Variants in DPYD observed in about 807,000 individuals in gnomAD.
DPYD encodes dihydropyrimidine dehydrogenase, also known as dihydropyrimidine dehydrogenase [NADP(+)].
DPYD carries 109 observed loss-of-function variants against 116.2 expected under a neutral mutation model. That is an observed-to-expected ratio of 0.94 (90% confidence interval 0.80 to 1.10). DPYD has a LOEUF of 1.10. DPYD is among the 50% of genes least tolerant of loss of function. The pLI, the probability that DPYD is intolerant of heterozygous loss-of-function variation, is 0.00. For missense variants in DPYD, 1,302 were observed against 1,254.5 expected (o/e 1.04, Z -0.57); for synonymous variants, 440 against 432.0 (o/e 1.02, Z -0.23).
At chr1:97,727,031 T>C (rs1232684975) in intron 4 of DPYD, among the ~76,000 whole-genome samples, 1 of 151,700 alleles carries the variant, frequency 6.6e-6, no homozygotes, top group African/African-American at 2.4e-5. Flanking sequence ...GGTTAAAAAT[T>C]GTTTTAAGTT....
chr1:97,838,227 T>C (rs1669862569), intron 2 of DPYD, among the ~76,000 whole-genome samples: 1 of 152,134 alleles, frequency 6.6e-6, no homozygotes, highest in Non-Finnish European at 1.5e-5. Flanking sequence ...CTATCAAGCA[T>C]TTCAGAATTC....
chr1:97,660,457 A>G (rs1430161806), intron 8 of DPYD, among the ~76,000 whole-genome samples: 3 of 152,036 alleles, frequency 2.0e-5, no homozygotes, highest in African/African-American at 7.2e-5. Context: ...GCTTCCTTCC[A>G]CCCCATAAAT....
intron 8 of DPYD, among the ~76,000 whole-genome samples, chr1:97,631,767 G>A (rs572793887): frequency 6.6e-5 from 10 of 152,018 alleles, no homozygotes; most frequent in South Asian, 6.2e-4. Context: ...TTAAAGTTAC[G>A]GGAGTGGGTA....
At chr1:97,094,679 G>A (rs1650117582) in intron 21 of DPYD, among the ~76,000 whole-genome samples, 1 of 152,070 alleles carries the variant, frequency 6.6e-6, no homozygotes, top group Admixed American at 6.6e-5. Flanking sequence ...AGGTGGAGGT[G>A]ACCCCAAGAT....
chr1:97,511,226 A>T (rs925650213), intron 13 of DPYD, among the ~76,000 whole-genome samples: 2 of 152,046 alleles, frequency 1.3e-5, no homozygotes, highest in Non-Finnish European at 2.9e-5. Context: ...ATCTGAAAAC[A>T]ATACTATCTA....
At chr1:97,495,327 A>C (rs1679203391) in intron 13 of DPYD, among the ~76,000 whole-genome samples, 1 of 152,144 alleles carries the variant, frequency 6.6e-6, no homozygotes, top group Admixed American at 6.5e-5. Flanking sequence ...GTCCAGAAAG[A>C]ATACAGAAAT....
intron 3 of DPYD, among the ~76,000 whole-genome samples, chr1:97,768,643 G>A (rs1410535485): frequency 6.6e-6 from 1 of 152,078 alleles, no homozygotes; most frequent in Non-Finnish European, 1.5e-5. Flanking sequence ...AATTATAAAA[G>A]CTAAATTTCT....
intron 16 of DPYD, among the ~76,000 whole-genome samples, chr1:97,349,965 C>A (rs2101316268): frequency 1.4e-5 from 2 of 145,922 alleles, no homozygotes; most frequent in African/African-American, 2.5e-5. Context: ...AAAAATGCTG[C>A]AGATTCAAAC....
At chr1:97,884,584 A>T (rs889795598) in intron 1 of DPYD, among the ~76,000 whole-genome samples, 1 of 152,100 alleles carries the variant, frequency 6.6e-6, no homozygotes, top group African/African-American at 2.4e-5. Context: ...ATTCCAGCTG[A>T]CATTACTGCA....
chr1:97,362,711 C>T (rs1670803486), intron 16 of DPYD, among the ~76,000 whole-genome samples: 1 of 152,128 alleles, frequency 6.6e-6, no homozygotes. Flanking sequence ...GAAAGGATTC[C>T]TTATTTAATA....
chr1:97,909,595 T>C (rs1264147139), intron 1 of DPYD, among the ~76,000 whole-genome samples: 1 of 110,918 alleles, frequency 9.0e-6, no homozygotes, highest in African/African-American at 3.4e-5. Flanking sequence ...TGTTACTAAG[T>C]TAAAAGAAAT....
intron 3 of DPYD, among the ~76,000 whole-genome samples, chr1:97,757,817 G>A (rs949221652): frequency 2.6e-5 from 4 of 152,134 alleles, no homozygotes; most frequent in African/African-American, 4.8e-5. Context: ...TTCACAATAT[G>A]TAGGAAGTTC....
At chr1:97,330,499 T>C (rs1294253039) in intron 16 of DPYD, among the ~76,000 whole-genome samples, 1 of 152,204 alleles carries the variant, frequency 6.6e-6, no homozygotes, top group African/African-American at 2.4e-5. Context: ...CAACTGCTAC[T>C]CTATCTGCCA....
chr1:97,651,739 C>G (rs1343897105), intron 8 of DPYD, among the ~76,000 whole-genome samples: 1 of 151,992 alleles, frequency 6.6e-6, no homozygotes, highest in East Asian at 1.9e-4. Context: ...TAAATCAAAC[C>G]AGATTTTAAA....
chr1:97,486,357 A>G (rs1212644378), intron 13 of DPYD, among the ~76,000 whole-genome samples: 1 of 152,180 alleles, frequency 6.6e-6, no homozygotes, highest in Non-Finnish European at 1.5e-5. Flanking sequence ...TCCATTACGT[A>G]TGAAATAACA....
At chr1:97,668,777 T>C (rs1318375867) in intron 8 of DPYD, among the ~76,000 whole-genome samples, 1 of 151,986 alleles carries the variant, frequency 6.6e-6, no homozygotes, top group African/African-American at 2.4e-5. Context: ...TACAGTATTC[T>C]AGGAATGATA....
intron 15 of DPYD, among the ~76,000 whole-genome samples, chr1:97,379,193 G>A (rs1241386953): frequency 6.6e-6 from 1 of 152,164 alleles, no homozygotes; most frequent in Non-Finnish European, 1.5e-5. Flanking sequence ...AGTTGGGAAC[G>A]TGTTGGAGGA....
chr1:97,653,296 CT>C (rs1261567103), intron 8 of DPYD, among the ~76,000 whole-genome samples: 1 of 149,318 alleles, frequency 6.7e-6, no homozygotes, highest in African/African-American at 2.5e-5. Context: ...CAGTTTGTTT[CT>C]TTCTCCTTTT....
chr1:97,343,449 A>T (rs1669685537), intron 16 of DPYD, among the ~76,000 whole-genome samples: 1 of 152,152 alleles, frequency 6.6e-6, no homozygotes, highest in Non-Finnish European at 1.5e-5. Flanking sequence ...AATATTTAAA[A>T]TACAGAAAAT....
Sources: gnomAD v4.1 joint callset for allele counts (sites outside exome capture counted in the v4.1 genomes callset) on GRCh38, gnomAD v4.1.1 for gene constraint, MANE v1.5 for transcripts, NCBI Gene and HGNC (gene_info 2026-07-23, HGNC 2026-07-21) for gene names.